Variants in RBFOX1 observed in about 807,000 individuals in gnomAD.
The protein encoded by RBFOX1 is RNA binding protein fox-1 homolog 1.
In RBFOX1, 8 loss-of-function variants were observed where a neutral mutation model predicts 57.7. The observed-to-expected ratio is 0.14, with a 90% CI of 0.08 to 0.25. The LOEUF (loss-of-function observed/expected upper bound fraction) is 0.25. RBFOX1 is among the 10% of genes least tolerant of loss of function. The probability of loss-of-function intolerance (pLI) is 1.00; values close to 1 mark genes in which losing one functional copy is unlikely to be tolerated. For missense variants in RBFOX1, 611 were observed against 548.5 expected (o/e 1.11, Z -1.14); for synonymous variants, 326 against 222.4 (o/e 1.47, Z -4.15).
chr16:5,287,223 G>A (rs886126521), intron 1 of RBFOX1, among the ~76,000 whole-genome samples: 9 of 152,054 alleles, frequency 5.9e-5, no homozygotes, highest in Non-Finnish European at 1.0e-4. Flanking sequence ...AAGATCACTT[G>A]AGCCCAGGAT....
chr16:7,443,746 A>G (rs938395885), intron 4 of RBFOX1, among the ~76,000 whole-genome samples: 31 of 152,228 alleles, frequency 2.0e-4, no homozygotes, highest in African/African-American at 7.2e-4. Context: ...CTCTAAACCG[A>G]AAACTTTGAG....
At chr16:5,587,454 T>C (rs143121689) in intron 2 of RBFOX1, among the ~76,000 whole-genome samples, 3,353 of 152,338 alleles carry the variant, frequency 0.022, 38 homozygotes, top group African/African-American at 0.043. Flanking sequence ...CGCTCACGCC[T>C]GTCATCCCAG....
intron 3 of RBFOX1, among the ~76,000 whole-genome samples, chr16:6,828,479 A>C (rs1361087984): frequency 6.6e-6 from 1 of 151,746 alleles, no homozygotes; most frequent in Non-Finnish European, 1.5e-5. Context: ...AGTCGACATC[A>C]CGCCATTGCA....
intron 1 of RBFOX1, among the ~76,000 whole-genome samples, chr16:5,425,749 C>T (rs931805261): frequency 3.3e-5 from 5 of 152,168 alleles, no homozygotes; most frequent in Admixed American, 6.5e-5. Flanking sequence ...TGCTGGTCCA[C>T]ACTGTCCTCA....
chr16:7,536,552 C>G (rs760644132), intron 5 of RBFOX1, among the ~76,000 whole-genome samples: 1 of 152,158 alleles, frequency 6.6e-6, no homozygotes, highest in Non-Finnish European at 1.5e-5. Context: ...CAAGATGGCA[C>G]CACTGCACTC....
At chr16:6,421,705 A>G (rs74323561) in intron 2 of RBFOX1, among the ~76,000 whole-genome samples, 125 of 152,250 alleles carry the variant, frequency 8.2e-4, no homozygotes, top group African/African-American at 3.0e-3. Flanking sequence ...ATCGGGATAA[A>G]TTTAACACAC....
chr16:7,216,487 G>A (rs368014657), intron 4 of RBFOX1, among the ~76,000 whole-genome samples: 20 of 152,158 alleles, frequency 1.3e-4, no homozygotes, highest in African/African-American at 3.9e-4. Flanking sequence ...AGACCTTGTC[G>A]CTAAAAATTT....
At chr16:5,981,620 T>C (rs2060174649) in intron 4 of RBFOX1, among the ~76,000 whole-genome samples, 1 of 152,038 alleles carries the variant, frequency 6.6e-6, no homozygotes, top group African/African-American at 2.4e-5. Context: ...AGGTGCCCAC[T>C]ATCAGGCTGG....
At chr16:5,424,985 TTTCTTTTC>T (rs1292831900) in intron 1 of RBFOX1, among the ~76,000 whole-genome samples, 24 of 31,432 alleles carry the variant, frequency 7.6e-4, no homozygotes, top group African/African-American at 2.4e-3. Context: ...TTTCTTTTCT[TTTCTTTTC>T]TTTTCTTTTC....
rs1432181182 is a variant in RBFOX1, at chr16:6,941,291, C to T, written c.-15-110766C>T. 9.7e-5 allele frequency among the ~76,000 whole-genome samples: 8 copies of T among 82,564 alleles called. 1 individual carries two copies. The highest frequency in any genetic ancestry group is 1.7e-4 in the African/African-American group (3 of 17,440). 54.2% of individuals were successfully genotyped at this position (82,564 alleles called of 152,430 possible). Reference sequence around the variant, plus strand: ...CCTCTCTCCCTCCCTTCCCTCCTTCCCTCCCTCCCTCCTTCCTTCCTTCCT... The same window carrying T: ...CCTCTCTCCCTCCCTTCCCTCCTTCTCTCCCTCCCTCCTTCCTTCCTTCCT... On this transcript the variant is annotated intron_variant, in intron 3 of 15. Coordinates refer to ENST00000550418, the MANE Select transcript of RBFOX1 (RefSeq NM_018723.4).
At chr16:7,320,212 T>A (rs963882685) in intron 4 of RBFOX1, among the ~76,000 whole-genome samples, 2 of 152,158 alleles carry the variant, frequency 1.3e-5, no homozygotes, top group African/African-American at 4.8e-5. Context: ...CAGCTATTTA[T>A]CCTGATGCTC....
intron 4 of RBFOX1, among the ~76,000 whole-genome samples, chr16:5,937,615 C>T (rs1339724843): frequency 6.7e-6 from 1 of 150,194 alleles, no homozygotes; most frequent in Non-Finnish European, 1.5e-5. Context: ...TATATAGCTA[C>T]ATATAGAACT....
At chr16:7,608,352 T>G (rs2056762716) in intron 10 of RBFOX1, among the ~76,000 whole-genome samples, 2 of 152,146 alleles carry the variant, frequency 1.3e-5, no homozygotes, top group African/African-American at 4.8e-5. Flanking sequence ...CTGACAAAAT[T>G]TAAGTTAAAA....
At chr16:7,696,806 G>C (rs987136681) in intron 14 of RBFOX1, among the ~76,000 whole-genome samples, 9 of 152,154 alleles carry the variant, frequency 5.9e-5, no homozygotes, top group Non-Finnish European at 1.0e-4. Context: ...CATCAGAGAA[G>C]GCCTGTCTGA....
chr16:5,894,919 A>T (rs539676701), intron 4 of RBFOX1, among the ~76,000 whole-genome samples: 3 of 152,126 alleles, frequency 2.0e-5, no homozygotes, highest in Non-Finnish European at 2.9e-5. Flanking sequence ...TCTACTCTGG[A>T]GGCTGAGGCA....
intron 3 of RBFOX1, among the ~76,000 whole-genome samples, chr16:6,968,552 C>G (rs967851520): frequency 6.6e-6 from 1 of 152,100 alleles, no homozygotes; most frequent in Non-Finnish European, 1.5e-5. Flanking sequence ...AAGAGGAAGT[C>G]TGGCAGGGAA....
At chr16:5,660,215 T>C (rs1359296330) in intron 3 of RBFOX1, among the ~76,000 whole-genome samples, 7 of 152,154 alleles carry the variant, frequency 4.6e-5, no homozygotes, top group Non-Finnish European at 5.9e-5. Flanking sequence ...GGTTGTTTCG[T>C]TGAGTGTCTG....
At chr16:5,814,755 C>T (rs563905258) in intron 3 of RBFOX1, among the ~76,000 whole-genome samples, 4 of 152,138 alleles carry the variant, frequency 2.6e-5, no homozygotes, top group African/African-American at 9.6e-5. Context: ...GGTGAAACCC[C>T]GTCTCTACTA....
intron 4 of RBFOX1, among the ~76,000 whole-genome samples, chr16:7,122,871 A>G (rs1267210099): frequency 6.6e-6 from 1 of 152,214 alleles, no homozygotes; most frequent in Non-Finnish European, 1.5e-5. Flanking sequence ...GAACAATAAA[A>G]AGGAGCAACT....
Sources: allele counts gnomAD v4.1 joint callset (sites outside exome capture counted in the v4.1 genomes callset), GRCh38; gene constraint gnomAD v4.1.1; transcripts MANE v1.5; gene names NCBI Gene and HGNC (gene_info 2026-07-23, HGNC 2026-07-21).